Variants in DCAF6 observed in about 807,000 individuals in gnomAD.
The protein encoded by DCAF6 is DDB1- and CUL4-associated factor 6.
Under a neutral mutation model 125.1 loss-of-function variants are expected in DCAF6, and 54 were observed. The observed-to-expected ratio is 0.43, with a 90% CI of 0.35 to 0.54. The LOEUF (loss-of-function observed/expected upper bound fraction) is 0.54. Among genes scored for constraint, DCAF6 ranks in the 20% least tolerant of loss-of-function variants. DCAF6 has a pLI of 0.01. For missense variants in DCAF6, 934 were observed against 1,161.7 expected, an observed-to-expected ratio of 0.80 and a Z score of 2.85; for synonymous variants, 371 against 390.4, an observed-to-expected ratio of 0.95 and a Z score of 0.58.
chr1:168,048,343 T>A (rs2101827489), intron 16 of DCAF6, among the ~76,000 whole-genome samples: 1 of 152,344 alleles, frequency 6.6e-6, no homozygotes, highest in African/African-American at 2.4e-5. Flanking sequence ...TATACTTAAT[T>A]TGATCTGTAC....
chr1:168,046,669 G>A (rs559670023), intron 16 of DCAF6, among the ~76,000 whole-genome samples: 2 of 152,180 alleles, frequency 1.3e-5, no homozygotes, highest in East Asian at 3.9e-4. Flanking sequence ...TACCCAGAGG[G>A]AGTTCCTTAG....
the DCAF6 span, chr1:167,899,650 G>A: frequency 6.2e-7 from 1 of 1,611,026 alleles, no homozygotes; most frequent in African/African-American, 1.3e-5. Context: ...GCAAGGAATA[G>A]GTTTGCACAA....
chr1:168,059,569 A>G (rs1691329862), intron 17 of DCAF6, among the ~76,000 whole-genome samples: 1 of 152,224 alleles, frequency 6.6e-6, no homozygotes, highest in South Asian at 2.1e-4. Context: ...TTATAGTTGT[A>G]ATAAATCTGT....
the DCAF6 span, chr1:167,896,779 C>T: frequency 5.5e-6 from 5 of 913,142 alleles, no homozygotes; most frequent in Admixed American, 5.2e-5. Context: ...AGAGAGTATG[C>T]TTTTGACTGA....
At position 168,038,418 on chromosome 1, in the gene DCAF6, G is replaced by A. The variant is rs1366278853; in HGVS notation, c.1657G>A (p.Val553Ile). ...CCCCAAACCAGGGACAGGTGAACCA[G>A]TTTTAAGTTTGCACTACAGCACAGA... Reference protein sequence around the residue: ...LSPKPGTGEPVLSLHYSTEGT... With the variant: ...LSPKPGTGEPILSLHYSTEGT... The change falls in exon 13 of 22, where the codon GTT becomes ATT. Residue 553 changes from valine to isoleucine, a missense_variant. Val to Ile is a conservative substitution (Grantham distance 29). Coordinates refer to ENST00000367840, the MANE Select transcript of DCAF6 (RefSeq NM_001198956.2). 1.9e-6 allele frequency: 3 copies of A among 1,612,292 alleles called. No homozygotes were observed. Among genetic ancestry groups the A allele is most frequent in the Non-Finnish European group, 2.5e-6 (3 of 1,179,132 alleles).
At chr1:168,015,703 T>G in intron 10 of DCAF6, 78 bp from the exon 11 acceptor site, 1 of 1,262,666 alleles carries the variant, frequency 7.9e-7, no homozygotes. Context: ...TCCTTCTTCT[T>G]TTTTAATGTA....
chr1:168,009,386 C>CCTTCCTTCCTTT (rs1374012470), intron 10 of DCAF6, among the ~76,000 whole-genome samples: 5 of 75,622 alleles, frequency 6.6e-5, no homozygotes, highest in African/African-American at 2.5e-4. Context: ...TTCCTTCCTT[C>CCTTCCTTCCTTT]CTTTCTTTCT....
At chr1:168,037,702 TAAAATG>T (rs1422115186) in intron 12 of DCAF6, among the ~76,000 whole-genome samples, 1 of 152,210 alleles carries the variant, frequency 6.6e-6, no homozygotes, top group African/African-American at 2.4e-5. Flanking sequence ...TATAGGCTCT[TAAAATG>T]AAATTGCTGT....
chr1:167,923,476 A>G, the DCAF6 span, among the ~76,000 whole-genome samples: 1 of 152,190 alleles, frequency 6.6e-6, no homozygotes, highest in African/African-American at 2.4e-5. Flanking sequence ...TTCCATTTAC[A>G]TGAGGTACTT....
At chr1:168,002,671 G>T in intron 8 of DCAF6, 96 bp downstream of exon 8, 1 of 959,044 alleles carries the variant, frequency 1.0e-6, no homozygotes, top group South Asian at 1.6e-5. Context: ...ATTCTGTAAT[G>T]AACATTCTTA....
intron 12 of DCAF6, among the ~76,000 whole-genome samples, chr1:168,024,752 C>T (rs1217052941): frequency 2.0e-5 from 3 of 148,152 alleles, no homozygotes; most frequent in African/African-American, 2.5e-5. Flanking sequence ...TACAGTGAGC[C>T]GAGATTGCGC....
chr1:167,884,155 C>T, the DCAF6 span, among the ~76,000 whole-genome samples: 1 of 152,162 alleles, frequency 6.6e-6, no homozygotes. Context: ...TTGTATTAGT[C>T]CGTTCTCCCA....
intron 16 of DCAF6, among the ~76,000 whole-genome samples, chr1:168,049,115 A>G (rs1689503225): frequency 6.6e-6 from 1 of 152,352 alleles, no homozygotes. Flanking sequence ...TTTGTTCTCT[A>G]ATCATGGTGT....
chr1:167,942,444 A>T (rs985320577), intron 1 of DCAF6, among the ~76,000 whole-genome samples: 2 of 152,204 alleles, frequency 1.3e-5, no homozygotes, highest in Non-Finnish European at 2.9e-5. Flanking sequence ...TAGTCTGGTT[A>T]AATGTTCAGG....
chr1:167,993,610 G>A (rs955831541), intron 7 of DCAF6, among the ~76,000 whole-genome samples, 170 bp downstream of exon 7: 5 of 152,238 alleles, frequency 3.3e-5, no homozygotes, highest in African/African-American at 1.2e-4. Context: ...TTAGCTGAGC[G>A]TGGTGGCACA....
the DCAF6 span, among the ~76,000 whole-genome samples, chr1:167,897,997 C>CAAAA: frequency 3.5e-4 from 6 of 17,390 alleles, no homozygotes; most frequent in Non-Finnish European, 5.2e-4. Context: ...GACTCTGTCT[C>CAAAA]AAAAAAAAAA....
At chr1:168,036,758 C>T (rs1687859899) in intron 12 of DCAF6, among the ~76,000 whole-genome samples, 1 of 152,138 alleles carries the variant, frequency 6.6e-6, no homozygotes, top group South Asian at 2.1e-4. Flanking sequence ...AATACCTCCT[C>T]TAAAACACTG....
intron 16 of DCAF6, among the ~76,000 whole-genome samples, chr1:168,048,348 C>A (rs1689398548): frequency 6.6e-6 from 1 of 152,150 alleles, no homozygotes; most frequent in Non-Finnish European, 1.5e-5. Flanking sequence ...TTAATTTGAT[C>A]TGTACTTTAT....
intron 18 of DCAF6, among the ~76,000 whole-genome samples, chr1:168,064,937 C>G (rs1244772381): frequency 6.6e-6 from 1 of 152,130 alleles, no homozygotes; most frequent in Non-Finnish European, 1.5e-5. Flanking sequence ...GTATCTTTCT[C>G]AATTGTGTTA....
Sources: allele counts gnomAD v4.1 joint callset (sites outside exome capture counted in the v4.1 genomes callset), GRCh38; gene constraint gnomAD v4.1.1; transcripts MANE v1.5; gene names NCBI Gene and HGNC (gene_info 2026-07-23, HGNC 2026-07-21).